Variants in PTPRQ observed in about 807,000 individuals in gnomAD.
The protein encoded by PTPRQ is phosphatidylinositol phosphatase PTPRQ.
A neutral mutation model predicts 246.0 loss-of-function variants in PTPRQ; 199 were observed. That is an observed-to-expected ratio of 0.81 (90% CI 0.72 to 0.91). The LOEUF is 0.91. Among genes scored for constraint, PTPRQ ranks in the 40% least tolerant of loss-of-function variants. The probability of loss-of-function intolerance (pLI) is 0.00; values close to 1 mark genes in which losing one functional copy is unlikely to be tolerated. For missense variants in PTPRQ, 2,624 were observed against 2,528.4 expected (o/e 1.04, Z -0.81); for synonymous variants, 869 against 853.2 (o/e 1.02, Z -0.32).
intron 26 of PTPRQ, 126 bp downstream of exon 26, chr12:80,588,578 C>T (rs1897693479): frequency 3.9e-6 from 4 of 1,031,826 alleles, no homozygotes; most frequent in Non-Finnish European, 5.0e-6. Flanking sequence ...GAGGACACTA[C>T]CATATATAAC....
chr12:80,663,173 A>G (rs964158015), intron 39 of PTPRQ, among the ~76,000 whole-genome samples: 1 of 151,942 alleles, frequency 6.6e-6, no homozygotes, highest in Non-Finnish European at 1.5e-5. Flanking sequence ...ATATAAAATA[A>G]TATTTCAAAT....
chr12:80,498,634 G>A (rs1894701406), intron 14 of PTPRQ, among the ~76,000 whole-genome samples: 1 of 152,040 alleles, frequency 6.6e-6, no homozygotes, highest in South Asian at 2.1e-4. Context: ...AACAAAGCTG[G>A]TAAATTATAA....
intron 10 of PTPRQ, 119 bp downstream of exon 10, chr12:80,493,574 ATT>A: frequency 7.6e-7 from 1 of 1,317,196 alleles, no homozygotes; most frequent in Non-Finnish European, 9.8e-7. Context: ...CTGGAGTCGG[ATT>A]TTTTTTTAGC....
At position 80,459,424 on chromosome 12, in the gene PTPRQ, G is replaced by C. The variant is rs1056694590; in HGVS notation, c.601G>C (p.Val201Leu). Residue 201 changes from valine to leucine, a missense_variant, in exon 5 of 45, where the codon GTG becomes CTG. Val to Leu is a conservative substitution (Grantham distance 32, BLOSUM62 1). Coordinates refer to ENST00000644991, the MANE Select transcript of PTPRQ (RefSeq NM_001145026.2). ...CAAGCATGCCAGAAGTGGGATAGTA[G>C]TGAAAGATGTCTCAATCAGAGTAGA... Reference protein sequence around the residue: ...SVKHARSGIVVKDVSIRVEDI... With the variant: ...SVKHARSGIVLKDVSIRVEDI... 5.0e-6 allele frequency: 2 copies of C among 398,330 alleles called. No individual in the cohort carries two copies. The highest frequency in any genetic ancestry group is 4.1e-5 in the African/African-American group (2 of 48,608). 24.7% of individuals were successfully genotyped at this position (398,330 alleles called of 1,614,324 possible). A position where few individuals can be genotyped will look rare whatever the true frequency, so the allele number is the denominator to read the frequency against.
At chr12:80,550,248 C>T (rs118131959) in intron 25 of PTPRQ, among the ~76,000 whole-genome samples, 1,692 of 152,264 alleles carry the variant, frequency 0.011, 17 homozygotes, top group Non-Finnish European at 0.018. Flanking sequence ...CCTTCCCTAG[C>T]AGTGCTCTGT....
intron 17 of PTPRQ, among the ~76,000 whole-genome samples, chr12:80,530,336 T>C (rs1447197383): frequency 6.6e-6 from 1 of 152,234 alleles, no homozygotes; most frequent in African/African-American, 2.4e-5. Context: ...TATTTACTGC[T>C]TTATCTCTCT....
intron 41 of PTPRQ, 28 bp downstream of exon 41, chr12:80,669,492 A>G (rs551466750): frequency 4.1e-5 from 62 of 1,528,012 alleles, no homozygotes; most frequent in Admixed American, 6.6e-5. Flanking sequence ...GGACGAGAGA[A>G]CATGATATAA....
Position 80,444,737 on chromosome 12 carries a change from C to G in PTPRQ, c.55-4C>G. 3.9e-6 allele frequency: 6 copies of G among 1,532,622 alleles called. 1 individual carries two copies. In the Admixed American group the frequency reaches 7.9e-5, roughly 20 times the overall value. The allele number at this position is 1,532,622 out of a possible 1,614,324, so 94.9% of individuals were successfully genotyped here. ...AATGCAACTATTTGTTTGTGGTGTT[C>G]TAGGTTGATGTTTCCAATGTCGTTC... On this transcript the variant is annotated splice_polypyrimidine_tract_variant and splice_region_variant and intron_variant, in intron 1 of 44. Coordinates refer to ENST00000644991, the MANE Select transcript of PTPRQ (RefSeq NM_001145026.2).
intron 6 of PTPRQ, among the ~76,000 whole-genome samples, chr12:80,466,123 A>C (rs1177325782): frequency 2.6e-5 from 4 of 152,198 alleles, no homozygotes; most frequent in Non-Finnish European, 5.9e-5. Flanking sequence ...TCTCAGCCCA[A>C]AATCTCCTTA....
rs539340049 is a variant in PTPRQ at position 80,500,727 on chromosome 12, T to G, written c.2272+4196T>G. On this transcript the variant is annotated intron_variant, in intron 14 of 44. Transcript: ENST00000644991. The stretch of plus-strand genomic sequence containing the variant: ...TCATTCACTAAACAGCTTTTATGGG[T>G]TCCATATTATGTTCTACCACCGTAC... 1.2e-4 allele frequency among the ~76,000 whole-genome samples: 19 copies of G among 152,132 alleles called. No homozygotes were observed. The East Asian group carries it at 3.7e-3, about 29-fold the overall frequency.
At chr12:80,614,874 T>A (rs555077891) in intron 29 of PTPRQ, among the ~76,000 whole-genome samples, 1 of 151,056 alleles carries the variant, frequency 6.6e-6, no homozygotes, top group African/African-American at 2.4e-5. Flanking sequence ...GTACATATAT[T>A]TTGGCTATTG....
chr12:80,485,587 C>T (rs992619540), intron 9 of PTPRQ, among the ~76,000 whole-genome samples: 3 of 152,136 alleles, frequency 2.0e-5, no homozygotes, highest in African/African-American at 7.2e-5. Flanking sequence ...ATTCTGGCCA[C>T]CCAGGACTTA....
rs762085319 is a variant in PTPRQ, at chr12:80,622,044, CT to C, written c.5613-10del. On this transcript the variant is annotated splice_polypyrimidine_tract_variant and intron_variant, in intron 32 of 44. Coordinates refer to ENST00000644991, the MANE Select transcript of PTPRQ (RefSeq NM_001145026.2). The stretch of plus-strand genomic sequence containing the variant: ...CATGATATGCAAAGTGTTGATTTTT[CT>C]TTTTTTATTTTATAGATTTAAATTT... 1.6e-6 allele frequency: 2 copies of C among 1,221,448 alleles called. No homozygotes were observed. The highest frequency in any genetic ancestry group is 1.1e-6 in the Non-Finnish European group (1 of 939,952). The allele number at this position is 1,221,448 out of a possible 1,614,324, so 75.7% of individuals were successfully genotyped here.
chr12:80,600,097 G>C (rs760005010), intron 26 of PTPRQ, among the ~76,000 whole-genome samples: 1 of 151,802 alleles, frequency 6.6e-6, no homozygotes, highest in Admixed American at 6.6e-5. Context: ...AAGGGAAAAC[G>C]ATTTTTGGAA....
chr12:80,533,977 A>G (rs895832648), intron 17 of PTPRQ, 38 bp from the exon 18 acceptor site: 66 of 1,391,324 alleles, frequency 4.7e-5, no homozygotes, highest in Admixed American at 6.8e-5. Context: ...GTTAACTTTT[A>G]AAATTCAATT....
At chr12:80,495,884 G>A (rs545546257) in intron 12 of PTPRQ, 115 bp from the exon 13 acceptor site, 24 of 1,238,936 alleles carry the variant, frequency 1.9e-5, no homozygotes, top group Middle Eastern at 2.8e-4. Flanking sequence ...ATTTGGAAGC[G>A]ATATAGATAT....
chr12:80,468,398 G>A (rs995861182), intron 6 of PTPRQ, among the ~76,000 whole-genome samples: 1 of 152,058 alleles, frequency 6.6e-6, no homozygotes, highest in African/African-American at 2.4e-5. Context: ...AGGTATAAAT[G>A]TTTCAAGACA....
chr12:80,661,209 G>GA, intron 39 of PTPRQ, among the ~76,000 whole-genome samples: 1 of 137,650 alleles, frequency 7.3e-6, no homozygotes, highest in South Asian at 2.1e-4. Flanking sequence ...CATACAAAAG[G>GA]AAAAAATATA....
At chr12:80,499,417 C>T (rs1894729089) in intron 14 of PTPRQ, among the ~76,000 whole-genome samples, 1 of 151,960 alleles carries the variant, frequency 6.6e-6, no homozygotes, top group Admixed American at 6.6e-5. Context: ...CCCACTTTAG[C>T]TCCTTTGGCA....
Sources: allele counts gnomAD v4.1 joint callset (sites outside exome capture counted in the v4.1 genomes callset), GRCh38; gene constraint gnomAD v4.1.1; transcripts MANE v1.5; gene names NCBI Gene and HGNC (gene_info 2026-07-23, HGNC 2026-07-21).